Variants in FOXN3 observed in about 807,000 individuals in gnomAD.
FOXN3 encodes the protein forkhead box protein N3.
FOXN3 carries 7 observed loss-of-function variants against 38.4 expected under a neutral mutation model. The ratio of observed to expected loss-of-function variants is 0.18; its 90% CI spans 0.10 to 0.34. FOXN3 has a LOEUF of 0.34. FOXN3 is among the 10% of genes least tolerant of loss of function. The pLI is 1.00. For synonymous variants in FOXN3, 230 were observed against 242.2 expected, an observed-to-expected ratio of 0.95 and a Z score of 0.47; for missense variants, 456 against 613.4, an observed-to-expected ratio of 0.74 and a Z score of 2.71.
intron 1 of FOXN3, among the ~76,000 whole-genome samples, chr14:89,427,002 C>A (rs1176430762): frequency 3.3e-5 from 5 of 151,816 alleles, no homozygotes; most frequent in African/African-American, 9.7e-5. Context: ...GAAACCGAGG[C>A]GGGTGGATCA....
At chr14:89,177,583 T>G (rs1305197822) in intron 5 of FOXN3, among the ~76,000 whole-genome samples, 3 of 152,192 alleles carry the variant, frequency 2.0e-5, no homozygotes, top group East Asian at 3.9e-4. Flanking sequence ...ACTTTACCAC[T>G]GGGTTCCATG....
intron 1 of FOXN3, among the ~76,000 whole-genome samples, chr14:89,426,322 T>G (rs147795285): frequency 2.4e-4 from 35 of 147,086 alleles, no homozygotes; most frequent in Non-Finnish European, 4.9e-4. Context: ...CCTCCCAGGT[T>G]CAAGTGATTA....
chr14:89,594,083 A>G (rs1896009222), intron 1 of FOXN3, among the ~76,000 whole-genome samples: 1 of 152,238 alleles, frequency 6.6e-6, no homozygotes, highest in Non-Finnish European at 1.5e-5. Flanking sequence ...GTGTGTGTGC[A>G]CACAAGTATG....
intron 2 of FOXN3, among the ~76,000 whole-genome samples, chr14:89,359,598 T>C (rs1889374800): frequency 6.6e-6 from 1 of 151,882 alleles, no homozygotes; most frequent in Non-Finnish European, 1.5e-5. Flanking sequence ...GCCACTGGAG[T>C]AGTGCCAAGA....
At chr14:89,422,587 A>G (rs1470988339) in intron 1 of FOXN3, among the ~76,000 whole-genome samples, 2 of 152,202 alleles carry the variant, frequency 1.3e-5, no homozygotes, top group Non-Finnish European at 2.9e-5. Flanking sequence ...TTGTAAGAGT[A>G]AAAAAACTCC....
Position 89,528,376 on chromosome 14 carries a change from CTTTTTTTT to C in FOXN3, c.-15+90644_-15+90651del, listed in dbSNP as rs55935162. 4.6e-3 allele frequency among the ~76,000 whole-genome samples: 248 copies of C among 53,572 alleles called. 3 individuals carry two copies. Among genetic ancestry groups the C allele is most frequent in the African/African-American group, 0.015 (226 of 15,564 alleles). 35.1% of individuals were successfully genotyped at this position (53,572 alleles called of 152,430 possible). On this transcript the variant is annotated intron_variant, in intron 1 of 6. Coordinates refer to the FOXN3 transcript ENST00000345097. ...TCATCCATACTCAACATGGATGAAT[CTTTTTTTT>C]TTTTTTTTTTTTTTTTTTTTTTTTT... is the stretch of plus-strand genomic sequence containing the variant.
At chr14:89,478,405 A>C (rs966834) in intron 1 of FOXN3, among the ~76,000 whole-genome samples, 14,882 of 152,272 alleles carry the variant, frequency 0.098, 851 homozygotes, top group African/African-American at 0.16. Flanking sequence ...TGTTTGTTGA[A>C]TAAACAATGA....
intron 1 of FOXN3, among the ~76,000 whole-genome samples, chr14:89,528,543 T>C (rs1894484727): frequency 1.3e-5 from 2 of 151,824 alleles, no homozygotes; most frequent in African/African-American, 2.4e-5. Context: ...ACTACAGGCA[T>C]GTGCCACCAT....
upstream of FOXN3, chr14:89,417,611 C>A: frequency 2.4e-6 from 1 of 413,730 alleles, no homozygotes; most frequent in South Asian, 1.7e-5. Context: ...GGCAACGTGT[C>A]GCGGGAACGC....
At chr14:89,243,268 G>A (rs1180776943) in intron 4 of FOXN3, among the ~76,000 whole-genome samples, 1 of 152,184 alleles carries the variant, frequency 6.6e-6, no homozygotes, top group African/African-American at 2.4e-5. Flanking sequence ...CCCAGAGCAA[G>A]TAACTCAGCA....
chr14:89,251,902 C>T (rs193098333), intron 4 of FOXN3, among the ~76,000 whole-genome samples: 1 of 152,350 alleles, frequency 6.6e-6, no homozygotes, highest in Admixed American at 6.5e-5. Context: ...CAAACATGCT[C>T]AACCTTATAT....
At chr14:89,458,761 A>G (rs1313475421) in intron 1 of FOXN3, among the ~76,000 whole-genome samples, 1 of 152,090 alleles carries the variant, frequency 6.6e-6, no homozygotes. Context: ...GCCTCAGCAA[A>G]CAGAGCAATC....
Position 89,609,360 on chromosome 14 carries a change from G to A in FOXN3, c.-15+9668C>T, listed in dbSNP as rs368681823. 2.2e-4 allele frequency among the ~76,000 whole-genome samples: 34 copies of A among 152,150 alleles called. No homozygotes were observed. The East Asian group carries it at 5.2e-3, about 23-fold the overall frequency. On this transcript the variant is annotated intron_variant, in intron 1 of 6. Transcript: ENST00000345097. ...TGGAACCACAGGTGCACACCACCAC[G>A]CCCGGCTAATTTTTGTATTTTTTGT...
At chr14:89,260,852 G>A (rs899532227) in intron 4 of FOXN3, among the ~76,000 whole-genome samples, 1 of 152,136 alleles carries the variant, frequency 6.6e-6, no homozygotes, top group African/African-American at 2.4e-5. Context: ...CATTTAATTA[G>A]TTTTGTTCTT....
At chr14:89,220,023 A>G (rs1418575111) in intron 4 of FOXN3, among the ~76,000 whole-genome samples, 1 of 152,144 alleles carries the variant, frequency 6.6e-6, no homozygotes, top group Non-Finnish European at 1.5e-5. Context: ...CCATACTGAT[A>G]TCAACTGATG....
chr14:89,209,915 G>A (rs1266151028), intron 4 of FOXN3, among the ~76,000 whole-genome samples: 2 of 152,198 alleles, frequency 1.3e-5, no homozygotes, highest in African/African-American at 2.4e-5. Flanking sequence ...TTCCACCATT[G>A]TTAACAGATA....
intron 5 of FOXN3, among the ~76,000 whole-genome samples, chr14:89,169,328 C>T (rs1165592717): frequency 6.6e-6 from 1 of 152,106 alleles, no homozygotes; most frequent in African/African-American, 2.4e-5. Context: ...GTAGTCCCCA[C>T]TACTCGGGAG....
At chr14:89,478,413 T>C (rs965290067) in intron 1 of FOXN3, among the ~76,000 whole-genome samples, 5 of 152,202 alleles carry the variant, frequency 3.3e-5, no homozygotes, top group African/African-American at 1.2e-4. Flanking sequence ...GAATAAACAA[T>C]GAATGAATTC....
chr14:89,467,804 GTTTTTTTTT>G (rs68132432), intron 1 of FOXN3, among the ~76,000 whole-genome samples: 3 of 56,578 alleles, frequency 5.3e-5, no homozygotes, highest in African/African-American at 2.0e-4. Flanking sequence ...TTCTTTCTTT[GTTTTTTTTT>G]TTTTTTTTTT....
Sources: allele counts gnomAD v4.1 joint callset (sites outside exome capture counted in the v4.1 genomes callset), GRCh38; gene constraint gnomAD v4.1.1; transcripts MANE v1.5; gene names NCBI Gene and HGNC (gene_info 2026-07-23, HGNC 2026-07-21).